The following LRRC56 variants were observed in gnomAD, a reference collection of about 807,000 sequenced individuals.
LRRC56 encodes the protein leucine rich repeat containing 56, also known as leucine-rich repeat-containing protein 56.
A neutral mutation model predicts 47.8 loss-of-function variants in LRRC56; 41 were observed. The ratio of observed to expected loss-of-function variants is 0.86; its 90% CI spans 0.67 to 1.11. The LOEUF is 1.11. LRRC56 is among the 50% of genes most tolerant of loss of function. The pLI is 0.00. For synonymous variants in LRRC56, 387 were observed against 311.2 expected (o/e 1.24, Z -2.56); for missense variants, 759 against 704.2 (o/e 1.08, Z -0.88).
upstream of LRRC56, chr11:534,237 A>G: frequency 6.2e-7 from 1 of 1,613,528 alleles, no homozygotes; most frequent in Non-Finnish European, 8.5e-7. Flanking sequence ...GTATTCGTCC[A>G]CAAAATGGTT....
At chr11:545,684 C>T (rs531823393) in intron 6 of LRRC56, among the ~76,000 whole-genome samples, 5 of 152,310 alleles carry the variant, frequency 3.3e-5, no homozygotes, top group East Asian at 3.9e-4. Context: ...AAGACGTTGG[C>T]GGCTCTCACG....
At position 554,208 on chromosome 11, in the gene LRRC56, G is replaced by C. The variant is rs768625973; in HGVS notation, c.1561G>C (p.Ala521Pro). 1 of 1,540,556 alleles carries C rather than the reference G, an allele frequency of 6.5e-7. No individual in the cohort carries two copies. Among genetic ancestry groups the C allele is most frequent in the East Asian group, 2.3e-5 (1 of 43,924 alleles). The change falls in exon 14 of 14, where the codon GCA (alanine) becomes CCA (proline). Residue 521 changes from alanine to proline, a missense_variant. Physicochemically the swap from Ala to Pro is conservative, Grantham distance 27. Transcript: ENST00000270115. ...CCAGGGATGTCCTGGCCCAAAGCCA[G>C]CACCAGATGCAGCAGCTAGACCTCC... ...RAQGCPGPKP[A>P]PDAAARPPRA...
chr11:507,828 G>A, the LRRC56 span, among the ~76,000 whole-genome samples: 2 of 152,226 alleles, frequency 1.3e-5, no homozygotes, highest in African/African-American at 4.8e-5. Context: ...ACTGGCTGCC[G>A]CCTTTGTTTC....
At chr11:513,053 C>G in the LRRC56 span, among the ~76,000 whole-genome samples, 1 of 152,238 alleles carries the variant, frequency 6.6e-6, no homozygotes, top group Non-Finnish European at 1.5e-5. Context: ...CAGAACTGTC[C>G]TGAGCTGCTG....
At chr11:520,648 G>A in the LRRC56 span, among the ~76,000 whole-genome samples, 2 of 152,044 alleles carry the variant, frequency 1.3e-5, no homozygotes, top group South Asian at 2.1e-4. Flanking sequence ...CATACAAACA[G>A]GTTTTTTAAA....
At chr11:540,527 G>T in intron 3 of LRRC56, 147 bp from the exon 4 acceptor site, 2 of 645,098 alleles carry the variant, frequency 3.1e-6, no homozygotes, top group Non-Finnish European at 5.2e-6. Context: ...GCCAAGCTAG[G>T]AGCCTTCTCT....
intron 5 of LRRC56, among the ~76,000 whole-genome samples, chr11:543,709 C>T (rs1026441944): frequency 3.3e-5 from 5 of 152,160 alleles, no homozygotes; most frequent in Non-Finnish European, 4.4e-5. Context: ...TTCCCACAGG[C>T]ATGGTCTTGG....
chr11:547,503 C>T (rs1433165476), intron 6 of LRRC56, among the ~76,000 whole-genome samples: 1 of 151,714 alleles, frequency 6.6e-6, no homozygotes, highest in Non-Finnish European at 1.5e-5. Flanking sequence ...CAGGCGCCTG[C>T]CACCACGCCC....
At position 554,635 on chromosome 11, in the gene LRRC56, C is replaced by T. The variant is rs541473275; in HGVS notation, c.*359C>T. 9.2e-5 allele frequency: 37 copies of T among 401,930 alleles called. No homozygotes were observed. Among genetic ancestry groups the T allele is most frequent in the Non-Finnish European group, 1.5e-4 (34 of 224,776 alleles). 24.9% of individuals were successfully genotyped at this position (401,930 alleles called of 1,614,324 possible). ...CATGGCCGAGGGGCAGGGGCTGGAG[C>T]TGCGAGTCCACCACTCCCTTGCCGG... On this transcript the variant is annotated 3_prime_UTR_variant, in exon 14 of 14. Coordinates refer to ENST00000270115, the MANE Select transcript of LRRC56 (RefSeq NM_198075.4).
chr11:520,383 C>A, the LRRC56 span, among the ~76,000 whole-genome samples: 1 of 151,928 alleles, frequency 6.6e-6, no homozygotes, highest in Non-Finnish European at 1.5e-5. Flanking sequence ...TGCAATGGTG[C>A]GATCTCGGCT....
chr11:540,547 G>A (rs1304314913), intron 3 of LRRC56, 127 bp from the exon 4 acceptor site: 7 of 726,562 alleles, frequency 9.6e-6, no homozygotes, highest in South Asian at 1.9e-5. Flanking sequence ...TAGGCTCGGG[G>A]TGGGGGTGGG....
chr11:539,976 C>T (rs1298093449), intron 3 of LRRC56, among the ~76,000 whole-genome samples: 3 of 152,164 alleles, frequency 2.0e-5, no homozygotes, highest in Admixed American at 6.5e-5. Context: ...CAGCTGGGTC[C>T]GTGGATAGTC....
the LRRC56 span, among the ~76,000 whole-genome samples, chr11:521,737 AC>A: frequency 6.6e-6 from 1 of 151,992 alleles, no homozygotes; most frequent in Admixed American, 6.6e-5. Context: ...ACACGATGAA[AC>A]CCCGTCTCTA....
chr11:521,110 C>G, the LRRC56 span, among the ~76,000 whole-genome samples: 1 of 152,208 alleles, frequency 6.6e-6, no homozygotes, highest in East Asian at 1.9e-4. Flanking sequence ...GGCCCAATCG[C>G]CCCCCAGCGG....
chr11:528,745 G>A, the LRRC56 span: 12 of 152,300 alleles, frequency 7.9e-5, no homozygotes, highest in South Asian at 2.1e-4. Flanking sequence ...ACACACACAC[G>A]CACACGTTCA....
At chr11:542,671 C>T (rs751895741) in intron 5 of LRRC56, among the ~76,000 whole-genome samples, 98 of 151,476 alleles carry the variant, frequency 6.5e-4, no homozygotes, top group Non-Finnish European at 1.1e-3. Flanking sequence ...CTGGCCCCTG[C>T]TCCCTCCCGT....
upstream of LRRC56, chr11:535,278 GGCCCCACCCAC>G (rs1161570255): frequency 1.8e-5 from 2 of 111,050 alleles, no homozygotes; most frequent in African/African-American, 7.0e-5. Flanking sequence ...GGCCCCGCCC[GGCCCCACCCAC>G]CCGCCGCCGC....
chr11:550,413 C>G (rs1472591589), intron 8 of LRRC56, 141 bp downstream of exon 8: 7 of 804,340 alleles, frequency 8.7e-6, no homozygotes, highest in Non-Finnish European at 1.3e-5. Context: ...TTCACCTCCT[C>G]TGTCACTGGA....
upstream of LRRC56, chr11:533,533 T>C (rs1851243906): frequency 6.2e-7 from 1 of 1,613,770 alleles, no homozygotes; most frequent in Admixed American, 1.7e-5. Flanking sequence ...GATTCCACAG[T>C]GCGTGCAGCC....
Sources: gnomAD v4.1 joint callset for allele counts (sites outside exome capture counted in the v4.1 genomes callset) on GRCh38, gnomAD v4.1.1 for gene constraint, MANE v1.5 for transcripts, NCBI Gene and HGNC (gene_info 2026-07-23, HGNC 2026-07-21) for gene names.